The following IDS variants were observed in gnomAD, a reference collection of about 807,000 sequenced individuals.
IDS encodes iduronate 2-sulfatase, also known as alpha-L-iduronate sulfate sulfatase.
In IDS, 1 loss-of-function variant was observed where a neutral mutation model predicts 33.5. The observed-to-expected ratio is 0.03, with a 90% CI of 0.01 to 0.14. The LOEUF is 0.14. Ranked by LOEUF, IDS falls within the 10% of genes least tolerant of loss-of-function variation. The pLI, the probability that IDS is intolerant of heterozygous loss-of-function variation, is 1.00. For synonymous variants in IDS, 191 were observed against 184.4 expected (o/e 1.04, Z -0.29); for missense variants, 328 against 448.0 (o/e 0.73, Z 2.42).
At chrX:149,503,695 G>A (rs1186651937) in intron 2 of IDS, among the ~76,000 whole-genome samples, 18 of 111,972 alleles carry the variant, frequency 1.6e-4, no homozygotes, top group Non-Finnish European at 3.4e-4. Flanking sequence ...ATCAGCCCCT[G>A]AAACCAGCAG....
chrX:149,489,784 T>C (rs1557338527), intron 7 of IDS, among the ~76,000 whole-genome samples: 1 of 111,196 alleles, frequency 9.0e-6, no homozygotes, highest in African/African-American at 3.3e-5. Flanking sequence ...TCTTGGAATG[T>C]TGAAGAATTT....
Position 149,479,983 on chromosome X carries a change from G to C in IDS, c.*2763C>G, listed in dbSNP as rs782382712. 49 of 264,169 alleles carry C rather than the reference G, an allele frequency of 1.9e-4. No homozygotes were observed. Among genetic ancestry groups the C allele is most frequent in the Middle Eastern group, 1.0e-3 (1 of 991 alleles). The allele number at this position is 264,169 out of a possible 1,213,427, so 21.8% of individuals were successfully genotyped here. Reference sequence around the variant, plus strand: ...CAAAAACCTCAGCCTCCTTCGGGAGGGGGGGAGCTTGGTAGTGAAAAATGG... The same window carrying C: ...CAAAAACCTCAGCCTCCTTCGGGAGCGGGGGAGCTTGGTAGTGAAAAATGG... On this transcript the variant is annotated 3_prime_UTR_variant, in exon 9 of 9. Coordinates refer to ENST00000340855, the MANE Select transcript of IDS (RefSeq NM_000202.8).
At chrX:149,503,887 C>T (rs1388831343) in intron 2 of IDS, among the ~76,000 whole-genome samples, 2 of 111,400 alleles carry the variant, frequency 1.8e-5, no homozygotes, top group African/African-American at 6.6e-5. Context: ...ACCAGGCAAG[C>T]GCCCGTTCTG....
rs1209093143 is a variant in IDS at position 149,481,912 on chromosome X, T to C, written c.*834A>G. ...TATTTTGAGTGATTCAATCCACCCA[T>C]GGATATAGTCACATCTTTAAATGTT... On this transcript the variant is annotated 3_prime_UTR_variant, in exon 9 of 9. Transcript: ENST00000340855. 8.9e-6 allele frequency: 1 copy of C among 112,598 alleles called. No individual in the cohort carries two copies. The highest frequency in any genetic ancestry group is 3.2e-5 in the African/African-American group (1 of 30,989). 9.3% of individuals were successfully genotyped at this position (112,598 alleles called of 1,213,427 possible).
intron 1 of IDS, 69 bp downstream of exon 1, chrX:149,504,966 G>A: frequency 1.2e-6 from 1 of 800,728 alleles, no homozygotes. Context: ...AAGAAGGAAG[G>A]AAAGAAGGAA....
In IDS at chrX:149,478,435, A is replaced by C. The variant is rs1835806882; in HGVS notation, c.*4311T>G. 8.9e-6 allele frequency: 1 copy of C among 112,622 alleles called. No homozygotes were observed. The highest frequency in any genetic ancestry group is 3.2e-5 in the African/African-American group (1 of 30,961). 9.3% of individuals were successfully genotyped at this position (112,622 alleles called of 1,213,427 possible). A position where few individuals can be genotyped will look rare whatever the true frequency, so the allele number is the denominator to read the frequency against. On this transcript the variant is annotated 3_prime_UTR_variant, in exon 9 of 9. Coordinates refer to ENST00000340855, the MANE Select transcript of IDS (RefSeq NM_000202.8). ...TCAGTCCAAAAAAAAAAATTAATGA[A>C]GCAGGGCTGTGCAGCCATTACAGCT...
intron 7 of IDS, 37 bp downstream of exon 7, chrX:149,490,277 G>C: frequency 2.5e-6 from 3 of 1,198,714 alleles, no homozygotes; most frequent in Non-Finnish European, 3.4e-6. Context: ...GGAAAGTTCA[G>C]ATGTTTTGAC....
intron 7 of IDS, among the ~76,000 whole-genome samples, chrX:149,489,304 C>T (rs782050723): frequency 8.9e-6 from 1 of 112,494 alleles, no homozygotes; most frequent in African/African-American, 3.2e-5. Context: ...AACCAGGGAA[C>T]GTTAACAGTA....
Position 149,493,148 on chromosome X carries a change from T to C in IDS, c.880-2708A>G, listed in dbSNP as rs140770937. Among the ~76,000 whole-genome samples, 670 of 111,770 alleles carry C rather than the reference T, an allele frequency of 6.0e-3. 4 individuals carry two copies. Among genetic ancestry groups the C allele is most frequent in the African/African-American group, 0.021 (645 of 30,698 alleles). On this transcript the variant is annotated intron_variant, in intron 6 of 8. Transcript: ENST00000340855. ...GAGACCTGGGCTGAAGGGGTAGTTC[T>C]GGAGTCATCTGCCAAGGCTCAACTG...
At chrX:149,498,824 C>T (rs1480150200) in intron 4 of IDS, among the ~76,000 whole-genome samples, 1 of 112,616 alleles carries the variant, frequency 8.9e-6, no homozygotes, top group African/African-American at 3.2e-5. Flanking sequence ...AACCCTCTCA[C>T]ATTGCTGGTG....
intron 8 of IDS, among the ~76,000 whole-genome samples, chrX:149,484,604 G>A (rs1256574556): frequency 8.9e-6 from 1 of 112,933 alleles, no homozygotes; most frequent in Non-Finnish European, 1.9e-5. Context: ...ACTGGCGTGA[G>A]CCACCACGCC....
intron 8 of IDS, among the ~76,000 whole-genome samples, chrX:149,485,085 CTG>C (rs2089325264): frequency 8.9e-6 from 1 of 112,068 alleles, no homozygotes; most frequent in Non-Finnish European, 1.9e-5. Flanking sequence ...CTGTGGGACA[CTG>C]TTATAGGACA....
chrX:149,504,940 AG>A (rs1165021865), intron 1 of IDS, 94 bp downstream of exon 1: 85 of 649,332 alleles, frequency 1.3e-4, no homozygotes, highest in Non-Finnish European at 1.9e-4. Flanking sequence ...AAGGGTAAAA[AG>A]AATGGATATA....
intron 3 of IDS, among the ~76,000 whole-genome samples, chrX:149,502,498 C>CACTCTCA (rs1206899440): frequency 1.8e-5 from 2 of 112,593 alleles, no homozygotes; most frequent in East Asian, 5.6e-4. Flanking sequence ...AGCTGAATGT[C>CACTCTCA]ACTCTCAACC....
rs1327502870 is a variant in IDS at position 149,479,503 on chromosome X, CTAAGGGAA to C, written c.*3235_*3242del. 1.8e-5 allele frequency: 2 copies of C among 112,017 alleles called. No homozygotes were observed. Among genetic ancestry groups the C allele is most frequent in the East Asian group, 5.6e-4 (2 of 3,583 alleles). The allele number at this position is 112,017 out of a possible 1,213,427, so 9.2% of individuals were successfully genotyped here. A position where few individuals can be genotyped will look rare whatever the true frequency, so the allele number is the denominator to read the frequency against. ...GACAACTTGGCACTGAGAGACTATC[CTAAGGGAA>C]TAATCTGAAATACATAAAAACATTT... On this transcript the variant is annotated 3_prime_UTR_variant, in exon 9 of 9. Coordinates refer to ENST00000340855, the MANE Select transcript of IDS (RefSeq NM_000202.8).
rs782584353 is a variant in IDS at position 149,505,099 on chromosome X, C to T, written c.39G>A (p.Leu13=). 29 of 1,204,385 alleles carry T rather than the reference C, an allele frequency of 2.4e-5. No homozygotes were observed. Among genetic ancestry groups the T allele is most frequent in the Non-Finnish European group, 2.9e-5 (26 of 889,899 alleles). Residue 13 remains leucine (L), a synonymous_variant, in exon 1 of 9, where the codon CTG becomes CTA. Coordinates refer to ENST00000340855, the MANE Select transcript of IDS (RefSeq NM_000202.8). ...CGCAGACGGAGCTCAGAACCAGACC[C>T]AGCCAGAGAAGGCCTCGGCCGGTCC... The part of the protein sequence containing the change: ...PPRTGRGLLW[L]GLVLSSVCVA...
rs1461033973 is a variant in IDS, at chrX:149,486,508, C to A, written c.1180+417G>T. On this transcript the variant is annotated intron_variant, in intron 8 of 8. Coordinates refer to ENST00000340855, the MANE Select transcript of IDS (RefSeq NM_000202.8). ...ATGAGCTGTCAAAATGGAAAATGTG[C>A]CCCCCACAAAGAAGGCTGAGTCCCT... Among the ~76,000 whole-genome samples the A allele has an allele frequency of 2.7e-5, 3 of 111,459 alleles. No homozygotes were observed. The East Asian group carries it at 8.5e-4, about 32-fold the overall frequency.
intron 8 of IDS, among the ~76,000 whole-genome samples, chrX:149,483,662 C>T (rs1011551855): frequency 3.6e-5 from 4 of 112,305 alleles, no homozygotes; most frequent in Admixed American, 1.9e-4. Flanking sequence ...CACACCATGA[C>T]ATTTACCATC....
chrX:149,484,031 C>T (rs1323652112), intron 8 of IDS, among the ~76,000 whole-genome samples: 1 of 112,638 alleles, frequency 8.9e-6, no homozygotes, highest in Non-Finnish European at 1.9e-5. Context: ...ATGGACGGAC[C>T]ACATTTTGTC....
Sources: allele counts gnomAD v4.1 joint callset (sites outside exome capture counted in the v4.1 genomes callset), GRCh38; gene constraint gnomAD v4.1.1; transcripts MANE v1.5; gene names NCBI Gene and HGNC (gene_info 2026-07-23, HGNC 2026-07-21).